Variants in CNBD1 observed in about 807,000 individuals in gnomAD.
CNBD1 encodes cyclic nucleotide-binding domain-containing protein 1.
CNBD1 carries 71 observed loss-of-function variants against 54.4 expected under a neutral mutation model. The ratio of observed to expected loss-of-function variants is 1.30; its 90% confidence interval spans 1.08 to 1.59. The LOEUF (loss-of-function observed/expected upper bound fraction) is 1.59, where lower values mean the gene tolerates loss of function less well. CNBD1 is among the 40% of genes most tolerant of loss of function. The pLI, the probability that CNBD1 is intolerant of heterozygous loss-of-function variation, is 0.00. For synonymous variants in CNBD1, 182 were observed against 170.7 expected (o/e 1.07, Z -0.51); for missense variants, 659 against 518.0 (o/e 1.27, Z -2.64).
At chr8:86,931,004 G>T (rs1171671973) in intron 3 of CNBD1, among the ~76,000 whole-genome samples, 2 of 152,070 alleles carry the variant, frequency 1.3e-5, no homozygotes, top group African/African-American at 2.4e-5. Context: ...ACAACAAATG[G>T]GTAACTTATT....
chr8:86,929,979 G>T (rs1054388098), intron 3 of CNBD1, among the ~76,000 whole-genome samples: 4 of 152,280 alleles, frequency 2.6e-5, no homozygotes, highest in South Asian at 2.1e-4. Context: ...GTTTTGTCCT[G>T]TGGGAAGGCT....
At chr8:86,884,338 C>A (rs557061088) in intron 1 of CNBD1, among the ~76,000 whole-genome samples, 1 of 152,216 alleles carries the variant, frequency 6.6e-6, no homozygotes, top group African/African-American at 2.4e-5. Flanking sequence ...GTCAGTGTGC[C>A]AGCATTTATT....
chr8:86,965,107 T>C lies in CNBD1; in HGVS notation c.431+25353T>C, dbSNP rs116592258. Among the ~76,000 whole-genome samples the C allele has an allele frequency of 2.4e-3, 360 of 152,322 alleles. 2 individuals carry two copies. The highest frequency in any genetic ancestry group is 8.4e-3 in the African/African-American group (351 of 41,578). On this transcript the variant is annotated intron_variant, in intron 4 of 10. Coordinates refer to ENST00000518476, the MANE Select transcript of CNBD1 (RefSeq NM_173538.3). ...TTTGTCTGTGCTACTCTTAACCTTA[T>C]ATTATATACTTTCAATGACTAAGCC...
At position 86,937,153 on chromosome 8, in the gene CNBD1, C is replaced by T. The variant is rs151138201; in HGVS notation, c.273-2443C>T. On this transcript the variant is annotated intron_variant, in intron 3 of 10. Transcript: ENST00000518476. ...GTAGAAGGTGGAGGAGGGGCAAAGTCACATCTTACATGGCAGCAGGCAAAG... is the reference window on the plus strand; with the variant it reads ...GTAGAAGGTGGAGGAGGGGCAAAGTTACATCTTACATGGCAGCAGGCAAAG... Among the ~76,000 whole-genome samples the T allele has an allele frequency of 3.0e-3, 456 of 152,248 alleles. 6 individuals carry two copies. The highest frequency in any genetic ancestry group is 0.011 in the African/African-American group (438 of 41,552).
rs565492187 is a variant in CNBD1 at position 86,960,644 on chromosome 8, C to T, written c.431+20890C>T. The stretch of plus-strand genomic sequence containing the variant: ...AGCTTTGAACAGAGTAGTGGTTCTC[C>T]CAGCACGGAGCTGGAGATCTGAGAA... On this transcript the variant is annotated intron_variant, in intron 4 of 10. Coordinates refer to ENST00000518476, the MANE Select transcript of CNBD1 (RefSeq NM_173538.3). Among the ~76,000 whole-genome samples the T allele has an allele frequency of 1.1e-3, 161 of 152,254 alleles. 1 individual carries two copies. The highest frequency in any genetic ancestry group is 0.01 in the Middle Eastern group (3 of 294).
intron 5 of CNBD1, among the ~76,000 whole-genome samples, chr8:87,229,297 T>C (rs950089080): frequency 6.7e-6 from 1 of 149,090 alleles, no homozygotes; most frequent in Non-Finnish European, 1.5e-5. Context: ...TAAATGCTGG[T>C]TTTTTTTTTA....
At chr8:87,113,298 G>A (rs1811701495) in intron 4 of CNBD1, among the ~76,000 whole-genome samples, 1 of 152,218 alleles carries the variant, frequency 6.6e-6, no homozygotes, top group East Asian at 1.9e-4. Flanking sequence ...GTCACCTCAT[G>A]TTAGAATACT....
chr8:87,179,645 G>T (rs991818089), intron 4 of CNBD1, among the ~76,000 whole-genome samples: 1 of 152,138 alleles, frequency 6.6e-6, no homozygotes, highest in African/African-American at 2.4e-5. Context: ...GCTACAAGTT[G>T]GAAGGGTTTT....
At chr8:87,276,938 A>G (rs1206578286) in intron 6 of CNBD1, among the ~76,000 whole-genome samples, 1 of 151,612 alleles carries the variant, frequency 6.6e-6, no homozygotes, top group Non-Finnish European at 1.5e-5. Context: ...GGGCCAAGAT[A>G]CTGAGAAAAG....
chr8:87,249,771 G>A (rs1807876625), intron 6 of CNBD1, among the ~76,000 whole-genome samples: 1 of 152,228 alleles, frequency 6.6e-6, no homozygotes, highest in South Asian at 2.1e-4. Flanking sequence ...ATTCTCAGGA[G>A]TTAGTTTGAC....
At chr8:87,328,141 C>T (rs1201521094) in intron 8 of CNBD1, among the ~76,000 whole-genome samples, 1 of 151,974 alleles carries the variant, frequency 6.6e-6, no homozygotes, top group African/African-American at 2.4e-5. Context: ...CCCCGTGCCC[C>T]CAATCCCCCA....
At chr8:87,067,466 T>C (rs954200507) in intron 4 of CNBD1, among the ~76,000 whole-genome samples, 2 of 151,980 alleles carry the variant, frequency 1.3e-5, no homozygotes, top group Non-Finnish European at 2.9e-5. Flanking sequence ...ATTTTTCCTT[T>C]GATTTTTGAA....
intron 1 of CNBD1, among the ~76,000 whole-genome samples, chr8:86,869,291 C>A (rs1275020666): frequency 6.6e-6 from 1 of 152,202 alleles, no homozygotes; most frequent in African/African-American, 2.4e-5. Context: ...AAGGTTCACA[C>A]AGATGTTAAG....
chr8:87,156,767 G>GT (rs1812752014), intron 4 of CNBD1, among the ~76,000 whole-genome samples: 1 of 151,950 alleles, frequency 6.6e-6, no homozygotes, highest in Admixed American at 6.6e-5. Flanking sequence ...TTCTCTTATT[G>GT]TTTCTTCTAT....
chr8:87,381,668 A>T (rs562737137), intron 10 of CNBD1, among the ~76,000 whole-genome samples: 1 of 152,176 alleles, frequency 6.6e-6, no homozygotes, highest in African/African-American at 2.4e-5. Context: ...ATGGAATGCT[A>T]TTCAGCCTTA....
At chr8:87,263,846 T>C (rs1586374263) in intron 6 of CNBD1, among the ~76,000 whole-genome samples, 3 of 152,254 alleles carry the variant, frequency 2.0e-5, no homozygotes, top group African/African-American at 7.2e-5. Context: ...GAAGATATAC[T>C]AAGAGGAAAT....
At chr8:86,962,591 C>T (rs1049416809) in intron 4 of CNBD1, among the ~76,000 whole-genome samples, 1 of 152,058 alleles carries the variant, frequency 6.6e-6, no homozygotes, top group Admixed American at 6.6e-5. Context: ...CAAGACCATC[C>T]TGGCTAACAC....
chr8:86,992,062 T>G lies in CNBD1; in HGVS notation c.431+52308T>G, dbSNP rs150629683. The stretch of plus-strand genomic sequence containing the variant: ...GTGTAAATTTTGAGTCTAGATGTTC[T>G]TTCTTAGTTTTCTGCCTCAGTGTTC... On this transcript the variant is annotated intron_variant, in intron 4 of 10. Coordinates refer to ENST00000518476, the MANE Select transcript of CNBD1 (RefSeq NM_173538.3). Among the ~76,000 whole-genome samples the G allele has an allele frequency of 2.1e-3, 327 of 152,256 alleles. 4 individuals are homozygous for G. The highest frequency in any genetic ancestry group is 2.0e-3 in the Non-Finnish European group (137 of 67,996).
intron 2 of CNBD1, among the ~76,000 whole-genome samples, chr8:87,423,197 G>A (rs1307941058): frequency 1.3e-5 from 2 of 152,128 alleles, no homozygotes; most frequent in Non-Finnish European, 2.9e-5. Flanking sequence ...GGGTTTTCTA[G>A]ATATACATTC....
Sources: allele counts gnomAD v4.1 joint callset (sites outside exome capture counted in the v4.1 genomes callset), GRCh38; gene constraint gnomAD v4.1.1; transcripts MANE v1.5; gene names NCBI Gene and HGNC (gene_info 2026-07-23, HGNC 2026-07-21).